The following CAMTA1 variants were observed in gnomAD, a reference collection of about 807,000 sequenced individuals.
CAMTA1 encodes the protein calmodulin binding transcription activator 1.
CAMTA1 carries 27 observed loss-of-function variants against 170.9 expected under a neutral mutation model. The observed-to-expected ratio is 0.16, with a 90% confidence interval of 0.12 to 0.22. CAMTA1 has a LOEUF of 0.22. Ranked by LOEUF, CAMTA1 falls within the 10% of genes least tolerant of loss-of-function variation. CAMTA1 has a pLI of 1.00. For missense variants in CAMTA1, 1,619 were observed against 2,217.2 expected, an observed-to-expected ratio of 0.73 and a Z score of 5.42; for synonymous variants, 833 against 891.5, an observed-to-expected ratio of 0.93 and a Z score of 1.17.
intron 7 of CAMTA1, among the ~76,000 whole-genome samples, chr1:7,650,565 G>A (rs1265230196): frequency 1.3e-5 from 2 of 152,172 alleles, no homozygotes; most frequent in African/African-American, 2.4e-5. Context: ...ATGTTGGGAC[G>A]AAGCCCATGC....
chr1:7,537,769 A>G (rs1293387351), intron 6 of CAMTA1, among the ~76,000 whole-genome samples: 1 of 152,182 alleles, frequency 6.6e-6, no homozygotes, highest in Non-Finnish European at 1.5e-5. Context: ...ATTTGGGATG[A>G]TTTTATTCAG....
chr1:6,841,780 G>A (rs1655823198), intron 3 of CAMTA1, among the ~76,000 whole-genome samples: 1 of 152,144 alleles, frequency 6.6e-6, no homozygotes, highest in African/African-American at 2.4e-5. Context: ...ATGGTTTATA[G>A]GGATGGGGAC....
chr1:7,043,361 G>A (rs1704789236), intron 3 of CAMTA1, among the ~76,000 whole-genome samples: 1 of 89,160 alleles, frequency 1.1e-5, no homozygotes, highest in African/African-American at 6.7e-5. Flanking sequence ...TTGAGTGTGT[G>A]CATGTCTCTG....
At chr1:7,310,892 G>A (rs563513417) in intron 5 of CAMTA1, among the ~76,000 whole-genome samples, 211 of 151,664 alleles carry the variant, frequency 1.4e-3, no homozygotes, top group African/African-American at 4.7e-3. Flanking sequence ...TACCATGCCC[G>A]ACTAATTTTT....
In CAMTA1 at chr1:6,917,094, C is replaced by T. The variant is rs563217534; in HGVS notation, c.234+91884C>T. Among the ~76,000 whole-genome samples, 9 of 152,216 alleles carry T rather than the reference C, an allele frequency of 5.9e-5. 1 individual carries two copies. The South Asian group carries it at 1.9e-3, about 32-fold the overall frequency. On this transcript the variant is annotated intron_variant, in intron 3 of 22. Transcript: ENST00000303635. The stretch of plus-strand genomic sequence containing the variant: ...GGGGGCCAGGGAGAGAAAGATTGTT[C>T]CAGGCAGAGGGAGTTGCCCTATAAA...
At chr1:7,149,763 C>T (rs1005039913) in intron 4 of CAMTA1, among the ~76,000 whole-genome samples, 1 of 152,192 alleles carries the variant, frequency 6.6e-6, no homozygotes, top group Non-Finnish European at 1.5e-5. Context: ...GCCTGGGCGG[C>T]GGCCAGCAGG....
chr1:6,858,119 C>A (rs1310321273), intron 3 of CAMTA1, among the ~76,000 whole-genome samples: 1 of 152,200 alleles, frequency 6.6e-6, no homozygotes, highest in African/African-American at 2.4e-5. Context: ...ATAGGCCAGT[C>A]ATAAATGAAG....
chr1:6,825,067 A>G (rs1186086274), intron 2 of CAMTA1, 25 bp from the exon 3 acceptor site: 1 of 1,336,596 alleles, frequency 7.5e-7, no homozygotes, highest in African/African-American at 1.5e-5. Flanking sequence ...TATTTTCTCT[A>G]AATTTATTGT....
chr1:7,320,155 G>C (rs868861029), intron 5 of CAMTA1, among the ~76,000 whole-genome samples: 1 of 152,162 alleles, frequency 6.6e-6, no homozygotes, highest in African/African-American at 2.4e-5. Context: ...GACGTGGTAA[G>C]GTGATTGTAG....
At chr1:7,080,790 A>C (rs1180430017) in intron 3 of CAMTA1, among the ~76,000 whole-genome samples, 1 of 152,250 alleles carries the variant, frequency 6.6e-6, no homozygotes, top group African/African-American at 2.4e-5. Flanking sequence ...CTCAGGAGAC[A>C]GAAGCATGTT....
chr1:7,280,386 C>T (rs1270596216), intron 5 of CAMTA1, among the ~76,000 whole-genome samples: 2 of 152,246 alleles, frequency 1.3e-5, no homozygotes, highest in African/African-American at 4.8e-5. Context: ...TAAGACCCTC[C>T]TGTCCCAAGT....
At chr1:6,878,929 A>T (rs1024400289) in intron 3 of CAMTA1, among the ~76,000 whole-genome samples, 1 of 152,176 alleles carries the variant, frequency 6.6e-6, no homozygotes, top group Non-Finnish European at 1.5e-5. Context: ...TTTACCACCT[A>T]CATCTCACTA....
intron 3 of CAMTA1, among the ~76,000 whole-genome samples, chr1:6,842,072 C>G (rs1655975319): frequency 6.6e-6 from 1 of 152,242 alleles, no homozygotes; most frequent in African/African-American, 2.4e-5. Context: ...TGCCCCCCAA[C>G]CACTTCCCTT....
intron 3 of CAMTA1, among the ~76,000 whole-genome samples, chr1:6,889,889 CATGT>C (rs1441289857): frequency 2.0e-5 from 3 of 152,288 alleles, no homozygotes; most frequent in Non-Finnish European, 4.4e-5. Flanking sequence ...TCTGCTGCTG[CATGT>C]GTGTACCTTT....
chr1:7,013,126 C>G (rs753253297), intron 3 of CAMTA1, among the ~76,000 whole-genome samples: 3 of 152,000 alleles, frequency 2.0e-5, no homozygotes, highest in Non-Finnish European at 4.4e-5. Context: ...TGCCTTGTGC[C>G]GCACCTCCTC....
intron 5 of CAMTA1, among the ~76,000 whole-genome samples, chr1:7,442,205 T>G (rs948089538): frequency 1.3e-5 from 2 of 152,214 alleles, no homozygotes; most frequent in Non-Finnish European, 2.9e-5. Flanking sequence ...TTAAATTGAT[T>G]AATCAAATTT....
rs1470507843 is a variant in CAMTA1, at chr1:7,767,865, G to T, written c.*1374G>T. 2 of 147,018 alleles carry T rather than the reference G, an allele frequency of 1.4e-5. No homozygotes were observed. The highest frequency in any genetic ancestry group is 2.5e-5 in the African/African-American group (1 of 39,536). 9.1% of individuals were successfully genotyped at this position (147,018 alleles called of 1,614,324 possible). A position where few individuals can be genotyped will look rare whatever the true frequency, so the allele number is the denominator to read the frequency against. ...CTGCAAAAAAAAAAAAAGAGCTACT[G>T]TATTTAGACTTAGGAAAAAAGGCAG... On this transcript the variant is annotated 3_prime_UTR_variant, in exon 23 of 23. Transcript: ENST00000303635.
Position 7,580,239 on chromosome 1 carries a change from C to G in CAMTA1, c.511-60161C>G, listed in dbSNP as rs2095247734. On this transcript the variant is annotated intron_variant, in intron 6 of 22. Coordinates refer to ENST00000303635, the MANE Select transcript of CAMTA1 (RefSeq NM_015215.4). The surrounding 1 kb of genome is among the most constrained non-coding windows in gnomAD (Gnocchi z 4.3). ...GAAGAGGAAGGAGGGCTCCCTCCCC[C>G]TGGGGCTGTGGAGGCTGAGGCTCCT... is the stretch of plus-strand genomic sequence containing the variant. Among the ~76,000 whole-genome samples, 1 of 152,220 alleles carries G rather than the reference C, an allele frequency of 6.6e-6. No individual in the cohort carries two copies. The highest frequency in any genetic ancestry group is 1.5e-5 in the Non-Finnish European group (1 of 68,046).
chr1:7,011,433 C>T (rs1699769771), intron 3 of CAMTA1, among the ~76,000 whole-genome samples: 1 of 152,164 alleles, frequency 6.6e-6, no homozygotes, highest in African/African-American at 2.4e-5. Flanking sequence ...CCGGCATGCC[C>T]ATTCCCATCT....
Sources: allele counts gnomAD v4.1 joint callset (sites outside exome capture counted in the v4.1 genomes callset), GRCh38; gene constraint gnomAD v4.1.1; non-coding constraint Gnocchi (gnomAD v3.1); transcripts MANE v1.5; gene names NCBI Gene and HGNC (gene_info 2026-07-23, HGNC 2026-07-21).